Variants in TYW1 observed in about 807,000 individuals in gnomAD.
The protein encoded by TYW1 is S-adenosyl-L-methionine-dependent tRNA 4-demethylwyosine synthase TYW1.
In TYW1, 46 loss-of-function variants were observed where a neutral mutation model predicts 96.2. The ratio of observed to expected loss-of-function variants is 0.48; its 90% CI spans 0.38 to 0.61. TYW1 has a LOEUF of 0.61. Ranked by LOEUF, TYW1 falls within the 20% of genes least tolerant of loss-of-function variation. The pLI, the probability that TYW1 is intolerant of heterozygous loss-of-function variation, is 0.00. For missense variants in TYW1, 684 were observed against 909.6 expected (o/e 0.75, Z 3.19); for synonymous variants, 274 against 323.0 (o/e 0.85, Z 1.63).
intron 7 of TYW1, among the ~76,000 whole-genome samples, chr7:67,046,966 G>A (rs1418412070): frequency 2.0e-5 from 3 of 152,202 alleles, no homozygotes; most frequent in Admixed American, 6.5e-5. Context: ...AAAACCCCAA[G>A]AAGGTGTCTG....
chr7:67,141,022 A>AT (rs1004781098), intron 13 of TYW1, among the ~76,000 whole-genome samples: 3 of 152,196 alleles, frequency 2.0e-5, no homozygotes, highest in Admixed American at 2.0e-4. Context: ...TAAGAAGATC[A>AT]TTTTTCTAAG....
chr7:67,115,824 T>A (rs1797578339), intron 12 of TYW1, among the ~76,000 whole-genome samples: 1 of 152,228 alleles, frequency 6.6e-6, no homozygotes, highest in Non-Finnish European at 1.5e-5. Flanking sequence ...TTTCATTTTT[T>A]AAAAATGCAT....
chr7:67,168,349 G>T (rs1799415663), intron 13 of TYW1, among the ~76,000 whole-genome samples: 1 of 152,024 alleles, frequency 6.6e-6, no homozygotes, highest in African/African-American at 2.4e-5. Context: ...TTCTGTTCAT[G>T]AGAGATGCTG....
intron 9 of TYW1, among the ~76,000 whole-genome samples, chr7:67,059,984 G>T (rs1484153529): frequency 6.6e-6 from 1 of 151,880 alleles, no homozygotes; most frequent in Non-Finnish European, 1.5e-5. Flanking sequence ...TGTTGGCCAG[G>T]CTGGTCTCGA....
intron 14 of TYW1, among the ~76,000 whole-genome samples, chr7:67,188,682 C>T (rs570327753): frequency 7.9e-5 from 12 of 152,200 alleles, no homozygotes; most frequent in South Asian, 2.1e-4. Context: ...CCTACCCGTG[C>T]GTTTGGTAAA....
intron 3 of TYW1, among the ~76,000 whole-genome samples, chr7:67,001,709 C>T (rs867257383): frequency 1.3e-5 from 2 of 151,514 alleles, no homozygotes; most frequent in African/African-American, 2.4e-5. Context: ...CGTGAGCCAC[C>T]GCGCCCAGCC....
intron 13 of TYW1, among the ~76,000 whole-genome samples, chr7:67,137,064 T>G (rs55743603): frequency 7.0e-6 from 1 of 141,888 alleles, no homozygotes; most frequent in African/African-American, 2.7e-5. Context: ...CCACCCACCC[T>G]GGCCTCCCAA....
chr7:67,034,401 C>T (rs987184809), intron 7 of TYW1, among the ~76,000 whole-genome samples: 8 of 152,074 alleles, frequency 5.3e-5, no homozygotes, highest in Admixed American at 2.6e-4. Context: ...CCACTGTGCC[C>T]GGCCTCCTTT....
At chr7:67,076,417 C>G (rs1258721046) in intron 10 of TYW1, among the ~76,000 whole-genome samples, 1 of 152,104 alleles carries the variant, frequency 6.6e-6, no homozygotes, top group East Asian at 1.9e-4. Context: ...ATGCACAACT[C>G]TGTGATTATA....
At chr7:67,035,119 T>C (rs2129252683) in intron 7 of TYW1, among the ~76,000 whole-genome samples, 1 of 147,604 alleles carries the variant, frequency 6.8e-6, no homozygotes, top group East Asian at 2.4e-4. Context: ...GTGAAACATT[T>C]CTTTCTTTTT....
Position 67,180,384 on chromosome 7 carries a change from GTT to G in TYW1, c.1699-2740_1699-2739del, listed in dbSNP as rs1491513555. On this transcript the variant is annotated intron_variant, in intron 13 of 15. Transcript: ENST00000359626. ...CTACCGTATCCTTGGAAAGCTGTTG[GTT>G]TATATATATATATATATATTTATAT... 3.0e-3 allele frequency among the ~76,000 whole-genome samples: 204 copies of G among 68,630 alleles called. 23 individuals carry two copies. The highest frequency in any genetic ancestry group is 0.029 in the Middle Eastern group (3 of 102). 45.0% of individuals were successfully genotyped at this position (68,630 alleles called of 152,430 possible). A position where few individuals can be genotyped will look rare whatever the true frequency, so the allele number is the denominator to read the frequency against.
intron 13 of TYW1, among the ~76,000 whole-genome samples, chr7:67,159,595 C>T (rs1050662249): frequency 6.6e-6 from 1 of 151,804 alleles, no homozygotes; most frequent in Non-Finnish European, 1.5e-5. Context: ...AGTCCAAAGG[C>T]ATTTTTCCTG....
intron 13 of TYW1, among the ~76,000 whole-genome samples, chr7:67,158,082 ATT>A (rs560215948): frequency 9.8e-6 from 1 of 102,160 alleles, no homozygotes; most frequent in Non-Finnish European, 1.9e-5. Flanking sequence ...TTTGCTGAGG[ATT>A]TTTTTTTTTT....
chr7:67,047,217 G>C (rs548168403), intron 7 of TYW1, among the ~76,000 whole-genome samples: 1 of 152,098 alleles, frequency 6.6e-6, no homozygotes, highest in Non-Finnish European at 1.5e-5. Flanking sequence ...TTTTCATTTT[G>C]CTTCACCACA....
intron 12 of TYW1, among the ~76,000 whole-genome samples, chr7:67,111,737 ACACTTGTTAAATAAC>A (rs1452293307): frequency 1.3e-5 from 2 of 152,214 alleles, no homozygotes; most frequent in African/African-American, 4.8e-5. Context: ...ATTAAACAAC[ACACTTGTTAAATAAC>A]CAGAATATCA....
At chr7:67,076,169 A>G (rs925533035) in intron 10 of TYW1, among the ~76,000 whole-genome samples, 1 of 152,172 alleles carries the variant, frequency 6.6e-6, no homozygotes, top group African/African-American at 2.4e-5. Context: ...TTGCTAGCCA[A>G]TTGGGACAAA....
chr7:67,026,009 T>C (rs1160907205), intron 7 of TYW1, among the ~76,000 whole-genome samples: 1 of 152,214 alleles, frequency 6.6e-6, no homozygotes, highest in Non-Finnish European at 1.5e-5. Context: ...TTAGAAGCTA[T>C]AGTAAAAGAG....
At chr7:67,082,086 C>T (rs1318226278) in intron 10 of TYW1, among the ~76,000 whole-genome samples, 1 of 151,382 alleles carries the variant, frequency 6.6e-6, no homozygotes, top group African/African-American at 2.4e-5. Context: ...TCCTTAAGAC[C>T]ATTATTTTAA....
At chr7:67,183,690 T>C (rs914224079) in intron 14 of TYW1, among the ~76,000 whole-genome samples, 4 of 141,830 alleles carry the variant, frequency 2.8e-5, no homozygotes, top group Admixed American at 1.4e-4. Flanking sequence ...CAATTATACC[T>C]TTACCCATTT....
Sources: allele counts gnomAD v4.1 joint callset (sites outside exome capture counted in the v4.1 genomes callset), GRCh38; gene constraint gnomAD v4.1.1; transcripts MANE v1.5; gene names NCBI Gene and HGNC (gene_info 2026-07-23, HGNC 2026-07-21).